Variants in SHPRH observed in about 807,000 individuals in gnomAD.
SHPRH encodes SNF2 histone linker PHD RING helicase.
A neutral mutation model predicts 202.5 loss-of-function variants in SHPRH; 106 were observed. That is an observed-to-expected ratio of 0.52 (90% CI 0.45 to 0.62). The LOEUF (loss-of-function observed/expected upper bound fraction) is 0.62, where lower values mean the gene tolerates loss of function less well. SHPRH is among the 20% of genes least tolerant of loss of function. The pLI is 0.00. For missense variants in SHPRH, 1,710 were observed against 2,020.0 expected (o/e 0.85, Z 2.94); for synonymous variants, 729 against 686.0 (o/e 1.06, Z -0.98).
At position 145,935,369 on chromosome 6, in the gene SHPRH, T is replaced by C. The variant is rs1009596123; in HGVS notation, c.2642A>G (p.Tyr881Cys). The change falls in exon 12 of 30, where the codon TAT (tyrosine) becomes TGT (cysteine). Residue 881 changes from tyrosine (Y) to cysteine (C), a missense_variant. Physicochemically the swap from Tyr to Cys is radical, Grantham distance 194 (BLOSUM62 -2). Coordinates refer to ENST00000275233, the MANE Select transcript of SHPRH (RefSeq NM_001042683.3). ...AGGATTCTTCTTGCAGTAAGGCCGA[T>C]AGAGAAGTCGAACCCACCAGTGTTT... is the stretch of plus-strand genomic sequence containing the variant. ...CVKHWWVRLLYRPYCKKNPQH... is the reference protein window; with the variant it reads ...CVKHWWVRLLCRPYCKKNPQH... 5 of 1,613,844 alleles carry C rather than the reference T, an allele frequency of 3.1e-6. No individual in the cohort carries two copies. The African/African-American group carries it at 4.0e-5, about 13-fold the overall frequency.
chr6:145,896,871 AC>A (rs1412087920), intron 25 of SHPRH, among the ~76,000 whole-genome samples: 1 of 152,038 alleles, frequency 6.6e-6, no homozygotes, highest in Non-Finnish European at 1.5e-5. Context: ...ATACAACATA[AC>A]AAAAGGTATG....
intron 8 of SHPRH, among the ~76,000 whole-genome samples, chr6:145,944,735 AAT>A (rs1253509553): frequency 6.6e-6 from 1 of 152,130 alleles, no homozygotes; most frequent in East Asian, 1.9e-4. Context: ...TATGATTGCA[AAT>A]ATTATAACTA....
intron 1 of SHPRH, among the ~76,000 whole-genome samples, chr6:145,960,189 A>C (rs1373937726): frequency 7.2e-6 from 1 of 138,592 alleles, no homozygotes; most frequent in Non-Finnish European, 1.6e-5. Flanking sequence ...TCAGCAAAGT[A>C]ACTCAGGAAT....
chr6:145,917,565 T>C (rs1381292327), intron 23 of SHPRH: 2 of 149,452 alleles, frequency 1.3e-5, no homozygotes, highest in Non-Finnish European at 3.0e-5. Flanking sequence ...ATCTTGCCCC[T>C]AGAAGGTTCT....
intron 5 of SHPRH, 61 bp downstream of exon 5, chr6:145,948,211 C>G (rs752515086): frequency 1.7e-5 from 22 of 1,289,978 alleles, no homozygotes; most frequent in African/African-American, 3.0e-5. Flanking sequence ...CTAACAATCT[C>G]AGACAGTTTT....
chr6:145,956,837 C>G (rs1229034308), intron 1 of SHPRH, among the ~76,000 whole-genome samples: 1 of 151,990 alleles, frequency 6.6e-6, no homozygotes, highest in African/African-American at 2.4e-5. Flanking sequence ...TAGTACTGAC[C>G]TATAGAAAAG....
chr6:145,899,068 C>A lies in SHPRH; in HGVS notation c.4516-4091G>T, dbSNP rs556630274. 2.0e-5 allele frequency among the ~76,000 whole-genome samples: 3 copies of A among 152,238 alleles called. No homozygotes were observed. In the East Asian group the frequency reaches 5.8e-4, roughly 29 times the overall value. On this transcript the variant is annotated intron_variant, in intron 25 of 29. Coordinates refer to ENST00000275233, the MANE Select transcript of SHPRH (RefSeq NM_001042683.3). ...GCCTCGAGTGATCCTCCTGCCTTGG[C>A]CTCCCAAGGCACTGAGATTATAGGC... is the stretch of plus-strand genomic sequence containing the variant.
chr6:145,936,401 C>T (rs1562344264), intron 11 of SHPRH, among the ~76,000 whole-genome samples: 2 of 152,174 alleles, frequency 1.3e-5, no homozygotes, highest in Non-Finnish European at 2.9e-5. Context: ...ACCATCTTAG[C>T]TCACTGCAGC....
rs940683708 is a variant in SHPRH at position 145,887,877 on chromosome 6, T to G, written c.4955+143A>C. On this transcript the variant is annotated intron_variant, in intron 29 of 29. Coordinates refer to ENST00000275233, the MANE Select transcript of SHPRH (RefSeq NM_001042683.3). ...GTCTGGAGCACTGACTGGGAAACAG[T>G]GAAAAGGCAAAACGTCAGACTTTGC... The G allele has an allele frequency of 9.4e-5, 59 of 629,744 alleles. 1 individual carries two copies. The highest frequency in any genetic ancestry group is 8.1e-4 in the Middle Eastern group (3 of 3,722). 39.0% of individuals were successfully genotyped at this position (629,744 alleles called of 1,614,324 possible). A position where few individuals can be genotyped will look rare whatever the true frequency, so the allele number is the denominator to read the frequency against.
intron 11 of SHPRH, among the ~76,000 whole-genome samples, chr6:145,939,904 T>TG (rs768960421): frequency 5.3e-4 from 80 of 152,226 alleles, no homozygotes; most frequent in Non-Finnish European, 7.9e-4. Flanking sequence ...TACGAAAACT[T>TG]GGATTTTCAG....
the SHPRH span, among the ~76,000 whole-genome samples, chr6:145,857,893 TA>T: frequency 1.3e-5 from 2 of 152,104 alleles, no homozygotes; most frequent in African/African-American, 2.4e-5. Flanking sequence ...TCAACACAAT[TA>T]AAACGTGTTT....
intron 25 of SHPRH, among the ~76,000 whole-genome samples, chr6:145,897,171 A>C (rs928569534): frequency 6.6e-6 from 1 of 151,912 alleles, no homozygotes; most frequent in African/African-American, 2.4e-5. Context: ...AAGAAAAAAT[A>C]AGAGTAAAAT....
At chr6:145,956,446 C>A (rs1282137499) in intron 1 of SHPRH, among the ~76,000 whole-genome samples, 1 of 152,016 alleles carries the variant, frequency 6.6e-6, no homozygotes, top group African/African-American at 2.4e-5. Flanking sequence ...GCTCCCACCC[C>A]ACAGCTCTAA....
chr6:145,887,418 T>A (rs1331830643), intron 29 of SHPRH, among the ~76,000 whole-genome samples: 1 of 151,968 alleles, frequency 6.6e-6, no homozygotes, highest in Non-Finnish European at 1.5e-5. Context: ...AATTATACCA[T>A]AAATATTAGA....
intron 14 of SHPRH, among the ~76,000 whole-genome samples, chr6:145,931,316 CT>C (rs1045494061): frequency 6.6e-6 from 1 of 151,180 alleles, no homozygotes; most frequent in African/African-American, 2.4e-5. Flanking sequence ...ACCCTTTTTT[CT>C]TTTTTTTGAA....
chr6:145,922,982 T>C (rs1784555068), intron 18 of SHPRH, 146 bp from the exon 19 acceptor site: 1 of 1,022,102 alleles, frequency 9.8e-7, no homozygotes, highest in Admixed American at 3.4e-5. Context: ...TGAGTGAGTT[T>C]TCCTTCAGAA....
intron 18 of SHPRH, among the ~76,000 whole-genome samples, chr6:145,923,091 T>C (rs1017399769): frequency 6.6e-6 from 1 of 151,918 alleles, no homozygotes; most frequent in African/African-American, 2.4e-5. Context: ...GAAAAATGTA[T>C]GTCTGTCTCA....
intron 21 of SHPRH, among the ~76,000 whole-genome samples, chr6:145,920,939 C>A (rs1784386355): frequency 6.6e-6 from 1 of 151,906 alleles, no homozygotes; most frequent in South Asian, 2.1e-4. Flanking sequence ...ATATAAGTTC[C>A]AGTTTAATAA....
chr6:145,864,935 ACACACACT>A (rs201660163), intron 2 of SHPRH, among the ~76,000 whole-genome samples: 1,321 of 124,956 alleles, frequency 0.011, 6 homozygotes, highest in South Asian at 0.024. Flanking sequence ...ATTTATAAAC[ACACACACT>A]CACACACACA....
Sources: gnomAD v4.1 joint callset for allele counts (sites outside exome capture counted in the v4.1 genomes callset) on GRCh38, gnomAD v4.1.1 for gene constraint, MANE v1.5 for transcripts, NCBI Gene and HGNC (gene_info 2026-07-23, HGNC 2026-07-21) for gene names.